Variants in PPP2R2B observed in about 807,000 individuals in gnomAD.
PPP2R2B encodes the protein protein phosphatase 2 regulatory subunit Bbeta.
In PPP2R2B, 5 loss-of-function variants were observed where a neutral mutation model predicts 46.0. That is an observed-to-expected ratio of 0.11 (90% CI 0.06 to 0.23). The LOEUF (loss-of-function observed/expected upper bound fraction) is 0.23, where lower values mean the gene tolerates loss of function less well. PPP2R2B is among the 10% of genes least tolerant of loss of function. The probability of loss-of-function intolerance (pLI) is 1.00; values close to 1 mark genes in which losing one functional copy is unlikely to be tolerated. For missense variants in PPP2R2B, 367 were observed against 575.0 expected (o/e 0.64, Z 3.70); for synonymous variants, 215 against 206.7 (o/e 1.04, Z -0.34).
chr5:146,962,376 C>T (rs762629940), intron 1 of PPP2R2B, among the ~76,000 whole-genome samples: 13 of 151,604 alleles, frequency 8.6e-5, no homozygotes, highest in South Asian at 4.2e-4. Flanking sequence ...GACAAGGAAG[C>T]GGCTGGGTGT....
At chr5:146,945,551 G>A (rs901703865) in intron 1 of PPP2R2B, among the ~76,000 whole-genome samples, 2 of 152,098 alleles carry the variant, frequency 1.3e-5, no homozygotes, top group Non-Finnish European at 2.9e-5. Flanking sequence ...GAGGCTTTTC[G>A]TAACAAGAAG....
upstream of PPP2R2B, among the ~76,000 whole-genome samples, chr5:146,882,283 AG>A (rs1262623977): frequency 1.3e-5 from 2 of 152,042 alleles, no homozygotes; most frequent in Non-Finnish European, 2.9e-5. Flanking sequence ...AAAAAAAAAA[AG>A]AATTGCTCTA....
intron 2 of PPP2R2B, among the ~76,000 whole-genome samples, chr5:147,061,158 A>G (rs1757246145): frequency 6.6e-6 from 1 of 152,192 alleles, no homozygotes; most frequent in Admixed American, 6.5e-5. Context: ...ACAGCAGTAA[A>G]TAATATATTA....
At chr5:147,030,733 T>C (rs546876662) in intron 1 of PPP2R2B, among the ~76,000 whole-genome samples, 3 of 152,166 alleles carry the variant, frequency 2.0e-5, no homozygotes, top group Admixed American at 6.5e-5. Context: ...TCCCCGAAAG[T>C]CTAAGAGAGC....
chr5:146,936,458 G>T (rs1320569242), intron 1 of PPP2R2B, among the ~76,000 whole-genome samples: 1 of 127,194 alleles, frequency 7.9e-6, no homozygotes, highest in African/African-American at 3.1e-5. Flanking sequence ...AAGACTCCTT[G>T]TAAGCAGGAA....
At chr5:147,069,048 T>C (rs1182239002) in intron 2 of PPP2R2B, among the ~76,000 whole-genome samples, 2 of 152,222 alleles carry the variant, frequency 1.3e-5, no homozygotes, top group East Asian at 1.9e-4. Context: ...ACAGATCTTA[T>C]GTTCCTTTAA....
chr5:146,914,983 T>G (rs927518070), intron 1 of PPP2R2B, among the ~76,000 whole-genome samples: 3 of 152,198 alleles, frequency 2.0e-5, no homozygotes, highest in Admixed American at 2.0e-4. Context: ...ATGCACACAT[T>G]AGAGAGCTAA....
chr5:146,933,291 G>A (rs888364313), intron 1 of PPP2R2B, among the ~76,000 whole-genome samples: 3 of 152,058 alleles, frequency 2.0e-5, no homozygotes, highest in East Asian at 3.9e-4. Context: ...CTGGATAAAC[G>A]CCCAAGTTGC....
intron 1 of PPP2R2B, among the ~76,000 whole-genome samples, chr5:146,922,839 G>A (rs1763653083): frequency 6.6e-6 from 1 of 152,100 alleles, no homozygotes; most frequent in Non-Finnish European, 1.5e-5. Flanking sequence ...GGTGTTTGCT[G>A]GGGCTTCTGG....
intron 2 of PPP2R2B, among the ~76,000 whole-genome samples, chr5:146,791,490 G>A (rs922292690): frequency 6.6e-6 from 1 of 152,158 alleles, no homozygotes; most frequent in South Asian, 2.1e-4. Context: ...TGGCAACAGT[G>A]ATTGGTTCAG....
At chr5:147,000,171 G>A (rs1478835004) in intron 1 of PPP2R2B, among the ~76,000 whole-genome samples, 3 of 152,052 alleles carry the variant, frequency 2.0e-5, no homozygotes, top group African/African-American at 7.2e-5. Context: ...ACAAACTTTT[G>A]CATTACTTTT....
chr5:146,991,676 A>G (rs1483061529), intron 1 of PPP2R2B, among the ~76,000 whole-genome samples: 1 of 128,838 alleles, frequency 7.8e-6, no homozygotes, highest in African/African-American at 2.6e-5. Flanking sequence ...GCAATGAAAC[A>G]TCAACTTGTA....
At chr5:146,897,307 C>A (rs1318130982) in intron 1 of PPP2R2B, among the ~76,000 whole-genome samples, 2 of 152,102 alleles carry the variant, frequency 1.3e-5, no homozygotes, top group Non-Finnish European at 2.9e-5. Flanking sequence ...ATTTACCTGC[C>A]CCCCGTTCCC....
At chr5:146,737,561 C>G (rs1043910699) in intron 2 of PPP2R2B, among the ~76,000 whole-genome samples, 7 of 152,128 alleles carry the variant, frequency 4.6e-5, no homozygotes, top group Admixed American at 1.3e-4. Flanking sequence ...TCAGGTATGC[C>G]TGATTTTAAA....
intron 1 of PPP2R2B, among the ~76,000 whole-genome samples, chr5:147,012,960 G>A (rs1473000545): frequency 6.6e-6 from 1 of 151,850 alleles, no homozygotes; most frequent in Non-Finnish European, 1.5e-5. Context: ...GTTTGCAGAC[G>A]ACATGATTGT....
intron 1 of PPP2R2B, among the ~76,000 whole-genome samples, chr5:146,982,091 A>G (rs927656684): frequency 4.0e-5 from 6 of 151,780 alleles, no homozygotes; most frequent in African/African-American, 1.5e-4. Context: ...TACTTTCATT[A>G]TTTTTTTCTT....
chr5:146,799,806 C>A (rs1374037421), intron 2 of PPP2R2B, among the ~76,000 whole-genome samples: 1 of 152,100 alleles, frequency 6.6e-6, no homozygotes, highest in African/African-American at 2.4e-5. Context: ...AGCCAGGAGG[C>A]CCTGGAGATG....
At chr5:146,615,809 C>T (rs747646400) in intron 7 of PPP2R2B, among the ~76,000 whole-genome samples, 6 of 152,098 alleles carry the variant, frequency 3.9e-5, no homozygotes, top group Non-Finnish European at 7.4e-5. Context: ...GCTAAAATGT[C>T]CATGCCACCC....
chr5:146,831,804 A>G (rs1758958909), intron 2 of PPP2R2B, among the ~76,000 whole-genome samples: 1 of 152,164 alleles, frequency 6.6e-6, no homozygotes, highest in Non-Finnish European at 1.5e-5. Context: ...CTTTGACAAA[A>G]GAATAAGCCT....
Sources: allele counts gnomAD v4.1 joint callset (sites outside exome capture counted in the v4.1 genomes callset), GRCh38; gene constraint gnomAD v4.1.1; transcripts MANE v1.5; gene names NCBI Gene and HGNC (gene_info 2026-07-23, HGNC 2026-07-21).